LYPD6: variants seen among roughly 807,000 people sequenced by gnomAD.
LYPD6 encodes LY6/PLAUR domain containing 6, also known as ly6/PLAUR domain-containing protein 6.
In LYPD6, 15 loss-of-function variants were observed where a neutral mutation model predicts 22.7. The observed-to-expected ratio is 0.66, with a 90% CI of 0.44 to 1.02. LYPD6 has a LOEUF of 1.02. Among genes scored for constraint, LYPD6 ranks in the 50% least tolerant of loss-of-function variants. The pLI, the probability that LYPD6 is intolerant of heterozygous loss-of-function variation, is 0.00. For missense variants in LYPD6, 189 were observed against 208.4 expected (o/e 0.91, Z 0.57); for synonymous variants, 72 against 77.5 (o/e 0.93, Z 0.37).
intron 3 of LYPD6, among the ~76,000 whole-genome samples, chr2:149,453,252 G>C (rs1353949402): frequency 6.6e-6 from 1 of 152,162 alleles, no homozygotes; most frequent in East Asian, 1.9e-4. Context: ...GTTGAATGTC[G>C]TGTGCTTGGA....
chr2:149,444,595 G>A (rs1035333554), intron 2 of LYPD6, among the ~76,000 whole-genome samples: 1 of 151,694 alleles, frequency 6.6e-6, no homozygotes, highest in Non-Finnish European at 1.5e-5. Context: ...ATCCTTTTTT[G>A]TCATTTCAAC....
downstream of LYPD6, among the ~76,000 whole-genome samples, chr2:149,476,937 C>T (rs1278717342): frequency 6.6e-6 from 1 of 152,124 alleles, no homozygotes; most frequent in Non-Finnish European, 1.5e-5. Context: ...CACACAGTGG[C>T]GTGTGAAGAC....
At chr2:149,335,858 G>A (rs952056120) in intron 1 of LYPD6, among the ~76,000 whole-genome samples, 6 of 152,154 alleles carry the variant, frequency 3.9e-5, no homozygotes, top group African/African-American at 1.4e-4. Context: ...GAGGTTTGTA[G>A]CCTAGGAACA....
At chr2:149,430,790 AG>A (rs1402605603) in intron 1 of LYPD6, among the ~76,000 whole-genome samples, 1 of 152,250 alleles carries the variant, frequency 6.6e-6, no homozygotes, top group African/African-American at 2.4e-5. Context: ...ATTTTCATCT[AG>A]TGACCAGTTT....
chr2:149,361,629 A>G (rs1681573861), intron 1 of LYPD6, among the ~76,000 whole-genome samples: 2 of 152,158 alleles, frequency 1.3e-5, no homozygotes, highest in Admixed American at 1.3e-4. Context: ...GTGCATGAGA[A>G]TTAATTTTCT....
chr2:149,356,331 G>A (rs1233450061), intron 1 of LYPD6, among the ~76,000 whole-genome samples: 2 of 152,130 alleles, frequency 1.3e-5, no homozygotes, highest in Non-Finnish European at 2.9e-5. Context: ...CAGGAGGTAG[G>A]ACCACATTGT....
Position 149,437,826 on chromosome 2 carries a change from A to G in LYPD6, c.118A>G (p.Thr40Ala), listed in dbSNP as rs1032513837. ...AGACATTATCTACCTCCATCCTTCAAGTAAGACTGTTCTCTTTGCTGCAGA... is the reference window on the plus strand; with the variant it reads ...AGACATTATCTACCTCCATCCTTCAGGTAAGACTGTTCTCTTTGCTGCAGA... ...VKDIIYLHPS[T>A]TPYPGGFKCF... The change falls in exon 2 of 5, where the codon ACC (threonine) becomes GCC (alanine). Residue 40 changes from threonine (T) to alanine (A), a missense_variant and splice_region_variant. Physicochemically the swap from Thr to Ala is moderately conservative, Grantham distance 58. Transcript: ENST00000334166. The G allele has an allele frequency of 1.2e-6, 2 of 1,613,874 alleles. No homozygotes were observed. Among genetic ancestry groups the G allele is most frequent in the African/African-American group, 2.7e-5 (2 of 74,930 alleles).
intron 1 of LYPD6, among the ~76,000 whole-genome samples, chr2:149,334,595 C>T (rs978096387): frequency 2.0e-5 from 3 of 152,064 alleles, no homozygotes; most frequent in Admixed American, 1.3e-4. Flanking sequence ...GTGTACGTGA[C>T]AGCAATCTGG....
chr2:149,390,934 T>G (rs1247982900), intron 1 of LYPD6, among the ~76,000 whole-genome samples: 1 of 152,224 alleles, frequency 6.6e-6, no homozygotes, highest in Non-Finnish European at 1.5e-5. Flanking sequence ...TCTAACACTT[T>G]CAACCTGTAT....
At chr2:149,379,194 G>A (rs1203601868) in intron 1 of LYPD6, among the ~76,000 whole-genome samples, 1 of 152,132 alleles carries the variant, frequency 6.6e-6, no homozygotes, top group Non-Finnish European at 1.5e-5. Flanking sequence ...CAGCATTTAT[G>A]CTGCAGCTGG....
intron 1 of LYPD6, among the ~76,000 whole-genome samples, chr2:149,381,109 A>T (rs1222989593): frequency 1.3e-5 from 2 of 152,048 alleles, no homozygotes; most frequent in African/African-American, 4.8e-5. Flanking sequence ...TTTTGGAGGG[A>T]GTTGACAACA....
chr2:149,367,207 C>T (rs1415385934), intron 1 of LYPD6, among the ~76,000 whole-genome samples: 3 of 152,090 alleles, frequency 2.0e-5, no homozygotes, highest in South Asian at 4.1e-4. Flanking sequence ...AGGCTGCAAT[C>T]GGTTGTTAGC....
At chr2:149,429,955 G>T (rs535489585) in intron 1 of LYPD6, among the ~76,000 whole-genome samples, 1 of 152,140 alleles carries the variant, frequency 6.6e-6, no homozygotes, top group Non-Finnish European at 1.5e-5. Flanking sequence ...GTTGCATCAT[G>T]CTCTATGACC....
At chr2:149,456,065 A>G (rs1030857814) in intron 3 of LYPD6, among the ~76,000 whole-genome samples, 7 of 152,236 alleles carry the variant, frequency 4.6e-5, no homozygotes, top group African/African-American at 1.7e-4. Context: ...AGGAGAAAAC[A>G]CATCTTTTTA....
chr2:149,478,949 C>T (rs1470153549), downstream of LYPD6, among the ~76,000 whole-genome samples: 1 of 152,058 alleles, frequency 6.6e-6, no homozygotes, highest in Non-Finnish European at 1.5e-5. Context: ...TCCAGCTACC[C>T]CCTCTCTTTA....
intron 3 of LYPD6, chr2:149,464,425 G>C: frequency 5.0e-6 from 1 of 199,360 alleles, no homozygotes; most frequent in Non-Finnish European, 1.1e-5. Context: ...ATGTCTCAAG[G>C]TATATACGAG....
chr2:149,358,248 T>C (rs184559953), intron 1 of LYPD6, among the ~76,000 whole-genome samples: 1 of 152,244 alleles, frequency 6.6e-6, no homozygotes, highest in Non-Finnish European at 1.5e-5. Flanking sequence ...CTTCCTATTA[T>C]ATTATCATAT....
intron 1 of LYPD6, among the ~76,000 whole-genome samples, chr2:149,400,652 C>T (rs1301123672): frequency 3.3e-5 from 5 of 152,052 alleles, no homozygotes; most frequent in Non-Finnish European, 7.4e-5. Flanking sequence ...ACGTTTGCTA[C>T]TTAATTATAA....
chr2:149,363,611 G>A (rs1681609294), intron 1 of LYPD6, among the ~76,000 whole-genome samples: 1 of 152,190 alleles, frequency 6.6e-6, no homozygotes, highest in Admixed American at 6.5e-5. Flanking sequence ...AGTTGGCTCT[G>A]TAAATGTGGG....
Sources: gnomAD v4.1 joint callset for allele counts (sites outside exome capture counted in the v4.1 genomes callset) on GRCh38, gnomAD v4.1.1 for gene constraint, MANE v1.5 for transcripts, NCBI Gene and HGNC (gene_info 2026-07-23, HGNC 2026-07-21) for gene names.